The following SPATA16 variants were observed in gnomAD, a reference collection of about 807,000 sequenced individuals.
The protein encoded by SPATA16 is spermatogenesis associated 16, also known as spermatogenesis-associated protein 16.
In SPATA16, 36 loss-of-function variants were observed where a neutral mutation model predicts 63.3. The observed-to-expected ratio is 0.57, with a 90% CI of 0.44 to 0.75. The LOEUF is 0.75. Among genes scored for constraint, SPATA16 ranks in the 30% least tolerant of loss-of-function variants. SPATA16 has a pLI of 0.00. For missense variants in SPATA16, 646 were observed against 679.3 expected (o/e 0.95, Z 0.54); for synonymous variants, 203 against 216.7 (o/e 0.94, Z 0.56).
intron 6 of SPATA16, among the ~76,000 whole-genome samples, chr3:172,937,967 A>AG (rs1184558771): frequency 1.3e-5 from 2 of 152,248 alleles, no homozygotes; most frequent in East Asian, 3.9e-4. Context: ...TATCCTGAGA[A>AG]GGGGGGTAAA....
intron 1 of SPATA16, among the ~76,000 whole-genome samples, chr3:173,134,702 C>T (rs1383515275): frequency 6.6e-6 from 1 of 152,092 alleles, no homozygotes; most frequent in Non-Finnish European, 1.5e-5. Flanking sequence ...ATAAATTACC[C>T]AGTCTCAGGT....
intron 2 of SPATA16, among the ~76,000 whole-genome samples, chr3:173,052,531 A>C (rs1229037585): frequency 2.0e-5 from 3 of 152,220 alleles, no homozygotes; most frequent in Non-Finnish European, 2.9e-5. Flanking sequence ...AAAGTAGTAC[A>C]TCTTTGAATT....
At chr3:173,070,331 T>C (rs1736639315) in intron 2 of SPATA16, among the ~76,000 whole-genome samples, 1 of 150,770 alleles carries the variant, frequency 6.6e-6, no homozygotes, top group African/African-American at 2.4e-5. Flanking sequence ...GGAGGCAAAG[T>C]TTGCAGTGAG....
intron 6 of SPATA16, among the ~76,000 whole-genome samples, chr3:172,929,600 T>C (rs1343198741): frequency 6.6e-6 from 1 of 152,028 alleles, no homozygotes; most frequent in African/African-American, 2.4e-5. Context: ...TTCCCCTTTC[T>C]CCTCCTGCCT....
chr3:172,979,372 T>C (rs1369330436), intron 4 of SPATA16, among the ~76,000 whole-genome samples: 1 of 152,234 alleles, frequency 6.6e-6, no homozygotes, highest in Non-Finnish European at 1.5e-5. Flanking sequence ...CAGAGTCCAG[T>C]AACTAAACTT....
chr3:172,907,309 T>C (rs1732263684), intron 10 of SPATA16, among the ~76,000 whole-genome samples: 1 of 152,180 alleles, frequency 6.6e-6, no homozygotes, highest in Non-Finnish European at 1.5e-5. Context: ...TCTGAATAGA[T>C]CACTTCTCAC....
intron 5 of SPATA16, among the ~76,000 whole-genome samples, chr3:172,960,840 C>T (rs958729930): frequency 4.3e-5 from 6 of 141,106 alleles, no homozygotes; most frequent in South Asian, 2.3e-4. Context: ...CAAACATTTT[C>T]GGGATGATAG....
At chr3:173,062,108 C>A (rs1174006485) in intron 2 of SPATA16, among the ~76,000 whole-genome samples, 1 of 127,148 alleles carries the variant, frequency 7.9e-6, no homozygotes, top group Non-Finnish European at 1.6e-5. Flanking sequence ...ACCGTGGGTT[C>A]ATTCCACTGT....
rs193265359 is a variant in SPATA16 at position 172,976,360 on chromosome 3, G to C, written c.933+608C>G. ...TGACAGCTTGTTGGGGGAGGGTAAA[G>C]TAAGAACAGATTCATGTCTTATAAA... On this transcript the variant is annotated intron_variant, in intron 5 of 10. Coordinates refer to ENST00000351008, the MANE Select transcript of SPATA16 (RefSeq NM_031955.6). 1.7e-3 allele frequency among the ~76,000 whole-genome samples: 260 copies of C among 152,166 alleles called. 1 individual carries two copies. The highest frequency in any genetic ancestry group is 2.9e-3 in the Non-Finnish European group (198 of 67,940).
At chr3:173,057,169 T>C (rs963442340) in intron 2 of SPATA16, among the ~76,000 whole-genome samples, 11 of 151,258 alleles carry the variant, frequency 7.3e-5, no homozygotes, top group Non-Finnish European at 5.9e-5. Context: ...TGGAGTGCAG[T>C]GGCGAGATCT....
chr3:172,913,584 C>A, intron 10 of SPATA16, 77 bp downstream of exon 10: 1 of 1,409,794 alleles, frequency 7.1e-7, no homozygotes, highest in East Asian at 2.3e-5. Context: ...TTCTTTTTAT[C>A]CTCCAAACAG....
chr3:173,028,883 T>C (rs1414578284), intron 3 of SPATA16, among the ~76,000 whole-genome samples: 1 of 152,018 alleles, frequency 6.6e-6, no homozygotes. Context: ...GAATGAGTGA[T>C]CTGGAAAACA....
At chr3:172,957,016 A>G (rs1187165236) in intron 5 of SPATA16, among the ~76,000 whole-genome samples, 192 bp from the exon 6 acceptor site, 2 of 152,296 alleles carry the variant, frequency 1.3e-5, no homozygotes, top group East Asian at 3.9e-4. Flanking sequence ...CATATTAAGA[A>G]AACCAATTAA....
At chr3:173,138,072 C>G (rs1001072014) in intron 1 of SPATA16, among the ~76,000 whole-genome samples, 2 of 152,022 alleles carry the variant, frequency 1.3e-5, no homozygotes, top group South Asian at 4.2e-4. Context: ...TGATTTCTAA[C>G]AAGTTAAATG....
intron 1 of SPATA16, among the ~76,000 whole-genome samples, chr3:173,139,985 AAAAC>A (rs10606462): frequency 0.39 from 59,039 of 150,264 alleles, 12,856 homozygotes; most frequent in African/African-American, 0.6. Context: ...ACTCTGTCTC[AAAAC>A]AAACAAACAA....
At chr3:172,934,862 T>G (rs1264856117) in intron 6 of SPATA16, among the ~76,000 whole-genome samples, 3 of 152,198 alleles carry the variant, frequency 2.0e-5, no homozygotes, top group South Asian at 4.1e-4. Flanking sequence ...ATCCACTCTT[T>G]ACTATTAGTA....
At chr3:172,924,940 T>A (rs1397548228) in intron 7 of SPATA16, among the ~76,000 whole-genome samples, 1 of 152,202 alleles carries the variant, frequency 6.6e-6, no homozygotes, top group Admixed American at 6.5e-5. Context: ...GCTAATTACA[T>A]AAGAAAAGCG....
At chr3:172,941,838 G>T (rs904595709) in intron 6 of SPATA16, among the ~76,000 whole-genome samples, 5 of 152,078 alleles carry the variant, frequency 3.3e-5, no homozygotes, top group African/African-American at 1.2e-4. Context: ...GAAAATATCA[G>T]GTTAGAATAA....
intron 2 of SPATA16, among the ~76,000 whole-genome samples, chr3:173,060,271 A>C (rs1400678544): frequency 6.6e-6 from 1 of 152,124 alleles, no homozygotes; most frequent in Non-Finnish European, 1.5e-5. Context: ...AAAAAGAAAC[A>C]AAGCCAAAGA....
Sources: gnomAD v4.1 joint callset for allele counts (sites outside exome capture counted in the v4.1 genomes callset) on GRCh38, gnomAD v4.1.1 for gene constraint, MANE v1.5 for transcripts, NCBI Gene and HGNC (gene_info 2026-07-23, HGNC 2026-07-21) for gene names.